Variants in TAFA2 observed in about 807,000 individuals in gnomAD.
TAFA2 encodes chemokine-like protein TAFA-2.
In TAFA2, 7 loss-of-function variants were observed where a neutral mutation model predicts 18.8. The ratio of observed to expected loss-of-function variants is 0.37; its 90% CI spans 0.21 to 0.70. The LOEUF is 0.70. Among genes scored for constraint, TAFA2 ranks in the 30% least tolerant of loss-of-function variants. The pLI is 0.53. For missense variants in TAFA2, 122 were observed against 158.1 expected (o/e 0.77, Z 1.23); for synonymous variants, 60 against 54.2 (o/e 1.11, Z -0.47).
At chr12:61,964,297 T>C (rs188051597) in intron 1 of TAFA2, among the ~76,000 whole-genome samples, 2 of 151,918 alleles carry the variant, frequency 1.3e-5, no homozygotes, top group East Asian at 3.9e-4. Flanking sequence ...AAATTCTTTA[T>C]TAGAAAATTA....
intron 1 of TAFA2, among the ~76,000 whole-genome samples, chr12:61,884,331 C>A (rs1352181832): frequency 6.6e-6 from 1 of 152,142 alleles, no homozygotes; most frequent in African/African-American, 2.4e-5. Flanking sequence ...CATGTAAAAT[C>A]TATACAAACC....
At chr12:62,193,026 G>A (rs926117724), upstream of TAFA2, among the ~76,000 whole-genome samples, 4 of 152,196 alleles carry the variant, frequency 2.6e-5, no homozygotes, top group African/African-American at 7.2e-5. Flanking sequence ...ATTAAGCAAA[G>A]CCCTTGCTAA....
chr12:61,885,934 G>C (rs1438969618), intron 1 of TAFA2, among the ~76,000 whole-genome samples: 1 of 152,036 alleles, frequency 6.6e-6, no homozygotes, highest in African/African-American at 2.4e-5. Flanking sequence ...TTATTCCTGT[G>C]CACATTAGAC....
At chr12:61,793,664 A>G (rs1282808993) in intron 2 of TAFA2, among the ~76,000 whole-genome samples, 1 of 151,814 alleles carries the variant, frequency 6.6e-6, no homozygotes, top group African/African-American at 2.4e-5. Flanking sequence ...TCTACCAAGC[A>G]TTTAAGGAAG....
intron 1 of TAFA2, among the ~76,000 whole-genome samples, chr12:62,241,264 T>C (rs143261819): frequency 1.8e-3 from 277 of 152,316 alleles, no homozygotes; most frequent in African/African-American, 6.4e-3. Flanking sequence ...AATTGTTATT[T>C]GGACTGTAAC....
chr12:61,888,137 G>A (rs1056152692), intron 1 of TAFA2, among the ~76,000 whole-genome samples: 6 of 152,134 alleles, frequency 3.9e-5, no homozygotes, highest in African/African-American at 1.2e-4. Context: ...TGGTGGGACT[G>A]TAAACTAGTT....
intron 1 of TAFA2, among the ~76,000 whole-genome samples, chr12:61,906,487 T>C (rs1194192653): frequency 2.6e-5 from 4 of 152,190 alleles, no homozygotes; most frequent in Non-Finnish European, 5.9e-5. Flanking sequence ...GAACTGTGAG[T>C]CCTTTAAACT....
intron 4 of TAFA2, 129 bp downstream of exon 4, chr12:61,753,493 T>C (rs910596249): frequency 2.5e-6 from 2 of 792,210 alleles, no homozygotes; most frequent in Non-Finnish European, 3.8e-6. Context: ...AAGAAAAAAA[T>C]GGGGAAAACA....
intron 2 of TAFA2, among the ~76,000 whole-genome samples, chr12:61,825,100 A>G (rs1476642167): frequency 1.3e-5 from 2 of 152,192 alleles, no homozygotes; most frequent in African/African-American, 4.8e-5. Flanking sequence ...ACTTAAAGGT[A>G]AGAATGATGG....
rs10643306 is a variant in TAFA2 at position 62,189,940 on chromosome 12, TTGTGTGTGTG to T, written c.-2+1309_-2+1318del. On this transcript the variant is annotated intron_variant, in intron 1 of 4. Coordinates refer to ENST00000416284, the MANE Select transcript of TAFA2 (RefSeq NM_178539.5). Reference sequence around the variant, plus strand: ...AGTAAAGGTTGCTTATGAGTTTGCTTTGTGTGTGTGTGTGTGTGTGTGTGTGTGTGTGTGT... The same window carrying T: ...AGTAAAGGTTGCTTATGAGTTTGCTTTGTGTGTGTGTGTGTGTGTGTGTGT... Among the ~76,000 whole-genome samples, 1,390 of 142,012 alleles carry T rather than the reference TTGTGTGTGTG, an allele frequency of 9.8e-3. 25 individuals carry two copies. The highest frequency in any genetic ancestry group is 0.035 in the African/African-American group (1,313 of 37,712). 93.2% of individuals were successfully genotyped at this position (142,012 alleles called of 152,430 possible). A position where few individuals can be genotyped will look rare whatever the true frequency, so the allele number is the denominator to read the frequency against.
chr12:61,735,241 T>G (rs189536529), intron 4 of TAFA2, among the ~76,000 whole-genome samples: 1 of 152,190 alleles, frequency 6.6e-6, no homozygotes, highest in Non-Finnish European at 1.5e-5. Context: ...GATATTTGCA[T>G]AGTGTATATC....
intron 1 of TAFA2, among the ~76,000 whole-genome samples, chr12:62,031,250 A>G (rs1451396112): frequency 1.3e-5 from 2 of 152,068 alleles, no homozygotes; most frequent in Non-Finnish European, 2.9e-5. Context: ...GTCACCATCT[A>G]AGAAACTACT....
At chr12:61,848,860 T>A in intron 2 of TAFA2, among the ~76,000 whole-genome samples, 1 of 152,014 alleles carries the variant, frequency 6.6e-6, no homozygotes, top group East Asian at 1.9e-4. Context: ...TTTTTTTTTT[T>A]TAATGGAGTC....
intron 2 of TAFA2, chr12:61,776,473 G>A (rs1427655319): frequency 6.6e-6 from 1 of 152,508 alleles, no homozygotes; most frequent in Non-Finnish European, 1.5e-5. Flanking sequence ...TAAGAGCCAT[G>A]ATGCAAATAG....
intron 1 of TAFA2, among the ~76,000 whole-genome samples, chr12:62,153,820 A>G (rs945766358): frequency 1.3e-5 from 2 of 152,194 alleles, no homozygotes; most frequent in Non-Finnish European, 2.9e-5. Flanking sequence ...CTGAAACTCT[A>G]GATATAAAGT....
intron 1 of TAFA2, among the ~76,000 whole-genome samples, chr12:61,952,824 G>A (rs1180698302): frequency 1.3e-5 from 2 of 151,912 alleles, no homozygotes; most frequent in Admixed American, 6.6e-5. Context: ...AATTAAATAC[G>A]TGATTATATG....
At chr12:62,098,445 T>C (rs1047479303) in intron 1 of TAFA2, among the ~76,000 whole-genome samples, 16 of 152,160 alleles carry the variant, frequency 1.1e-4, no homozygotes, top group African/African-American at 3.9e-4. Context: ...CTATGTTCCC[T>C]GCCATGTGGA....
At chr12:62,060,467 G>A (rs182005363) in intron 1 of TAFA2, among the ~76,000 whole-genome samples, 62 of 152,290 alleles carry the variant, frequency 4.1e-4, no homozygotes, top group Admixed American at 3.9e-4. Context: ...TTATAAAAGC[G>A]TAGCACATAC....
chr12:61,886,656 G>A (rs1170596962), intron 1 of TAFA2, among the ~76,000 whole-genome samples: 2 of 152,148 alleles, frequency 1.3e-5, no homozygotes. Flanking sequence ...TCCACTTGCT[G>A]GAGTTGATCA....
Sources: allele counts gnomAD v4.1 joint callset (sites outside exome capture counted in the v4.1 genomes callset), GRCh38; gene constraint gnomAD v4.1.1; transcripts MANE v1.5; gene names NCBI Gene and HGNC (gene_info 2026-07-23, HGNC 2026-07-21).